The following SBK1 variants were observed in gnomAD, a reference collection of about 807,000 sequenced individuals.
SBK1 encodes the protein serine/threonine-protein kinase SBK1.
A neutral mutation model predicts 24.4 loss-of-function variants in SBK1; 11 were observed. That is an observed-to-expected ratio of 0.45 (90% CI 0.28 to 0.75). SBK1 has a LOEUF of 0.75. Among genes scored for constraint, SBK1 ranks in the 30% least tolerant of loss-of-function variants. The pLI, the probability that SBK1 is intolerant of heterozygous loss-of-function variation, is 0.12. For missense variants in SBK1, 467 were observed against 620.5 expected (o/e 0.75, Z 2.63); for synonymous variants, 308 against 284.4 (o/e 1.08, Z -0.83).
chr16:28,312,073 G>A (rs554329700), intron 1 of SBK1, among the ~76,000 whole-genome samples: 148 of 152,356 alleles, frequency 9.7e-4, no homozygotes, highest in Non-Finnish European at 1.7e-3. Flanking sequence ...CACGTGGACC[G>A]CCCACCTCAG....
Position 28,292,690 on chromosome 16 carries a change from G to T in SBK1, c.-618G>T, listed in dbSNP as rs1483223362. ...GACCGAGCCCCCCAGCGGCTGAGGG[G>T]CTTCCAGCGCCCGCCGGTGGCCGGG... On this transcript the variant is annotated 5_prime_UTR_variant, in exon 1 of 4. Coordinates refer to ENST00000341901, the MANE Select transcript of SBK1 (RefSeq NM_001024401.3). The T allele has an allele frequency of 2.0e-6, 2 of 984,454 alleles. No homozygotes were observed. The highest frequency in any genetic ancestry group is 6.2e-5 in the Admixed American group (1 of 16,250). 61.0% of individuals were successfully genotyped at this position (984,454 alleles called of 1,614,324 possible).
chr16:28,279,413 C>CAAAA (rs34582546), intron 1 of SBK1, among the ~76,000 whole-genome samples: 34 of 84,744 alleles, frequency 4.0e-4, no homozygotes, highest in African/African-American at 8.7e-4. Context: ...AAAACAAAAC[C>CAAAA]AAAAAAAAAA....
In SBK1 at chr16:28,275,751, C is replaced by T. The variant is rs2044491152; in HGVS notation, c.257+16249C>T. ...GAAAATTAGCCAACCATGGTGCATA[C>T]CTGTAGTAACAGCTACTCAGGAGGC... On this transcript the variant is annotated intron_variant, in intron 1 of 3. Coordinates refer to the SBK1 transcript ENST00000671413. 2.0e-5 allele frequency among the ~76,000 whole-genome samples: 3 copies of T among 152,048 alleles called. No individual in the cohort carries two copies. The South Asian group carries it at 6.2e-4, about 32-fold the overall frequency.
At chr16:28,267,517 G>A (rs2044436848) in intron 1 of SBK1, among the ~76,000 whole-genome samples, 1 of 152,216 alleles carries the variant, frequency 6.6e-6, no homozygotes. Context: ...CATGTTCATG[G>A]CTAATGGAGA....
Position 28,294,004 on chromosome 16 carries a change from G to A in SBK1, c.-8+704G>A, listed in dbSNP as rs551698354. Among the ~76,000 whole-genome samples the A allele has an allele frequency of 1.6e-4, 25 of 152,244 alleles. No homozygotes were observed. The Middle Eastern group carries it at 0.017, about 104-fold the overall frequency. On this transcript the variant is annotated intron_variant, in intron 1 of 3. Transcript: ENST00000341901. The stretch of plus-strand genomic sequence containing the variant: ...AGAAGCTATTTCAGGTCAGGGCACC[G>A]TTCTGTTCCCATTTGTCCCAGGGAC...
rs757915816 is a variant in SBK1 at position 28,320,220 on chromosome 16, C to T, written c.574C>T (p.Leu192=). ...CGACCGCGAGTGCCGCCGCGTAAAG[C>T]TGGCCGACTTCGGCATGACGCGCCG... ...LFDRECRRVK[L]ADFGMTRRVG... The change falls in exon 4 of 4, where the codon CTG becomes TTG. Residue 192 remains leucine (L), a synonymous_variant. Transcript: ENST00000341901. This position sits in a 1 kb window ranked among gnomAD's most constrained non-coding sequence, Gnocchi z 8.5. 4 of 1,594,440 alleles carry T rather than the reference C, an allele frequency of 2.5e-6. No homozygotes were observed. The African/African-American group carries it at 4.0e-5, about 16-fold the overall frequency.
At position 28,320,969 on chromosome 16, in the gene SBK1, A is replaced by T. The variant is rs1225102033; in HGVS notation, c.*48A>T. 2 of 1,339,650 alleles carry T rather than the reference A, an allele frequency of 1.5e-6. No homozygotes were observed. Among genetic ancestry groups the T allele is most frequent in the Non-Finnish European group, 1.9e-6 (2 of 1,049,126 alleles). 83.0% of individuals were successfully genotyped at this position (1,339,650 alleles called of 1,614,324 possible). On this transcript the variant is annotated 3_prime_UTR_variant, in exon 4 of 4. Transcript: ENST00000341901. The surrounding 1 kb of genome is among the most constrained non-coding windows in gnomAD (Gnocchi z 8.5). ...CCGGGAGCAGCCCGGGCCCGCCCCG[A>T]GCCGGTGCCCGGTGCGGCGGTAGGG...
intron 1 of SBK1, among the ~76,000 whole-genome samples, chr16:28,302,628 C>A (rs1596549592): frequency 6.6e-6 from 1 of 152,202 alleles, no homozygotes; most frequent in Non-Finnish European, 1.5e-5. Context: ...ACTGTCTGGT[C>A]TCTTGGTTCC....
intron 1 of SBK1, among the ~76,000 whole-genome samples, chr16:28,307,647 G>A (rs981257747): frequency 2.2e-4 from 33 of 151,426 alleles, no homozygotes; most frequent in African/African-American, 7.5e-4. Flanking sequence ...GGCTGAGGCA[G>A]GAGAATCGCT....
In SBK1 at chr16:28,319,149, C is replaced by T. The variant is rs1364674371; in HGVS notation, c.381C>T (p.Ala127=). The T allele has an allele frequency of 6.2e-7, 1 of 1,613,804 alleles. No individual in the cohort carries two copies. Among genetic ancestry groups the T allele is most frequent in the Non-Finnish European group, 8.5e-7 (1 of 1,179,966 alleles). Residue 127 remains alanine (A), a synonymous_variant, in exon 3 of 4, where the codon GCC becomes GCT. Transcript: ENST00000341901. This position sits in a 1 kb window ranked among gnomAD's most constrained non-coding sequence, Gnocchi z 4.0. ...VFETEDCYVF[A]QEYAPAGDLF... ...AGACAGAGGACTGCTACGTCTTTGCCCAGGAGTACGCACCTGCTGGGGACC... is the reference window on the plus strand; with the variant it reads ...AGACAGAGGACTGCTACGTCTTTGCTCAGGAGTACGCACCTGCTGGGGACC...
In SBK1 at chr16:28,301,351, C is replaced by T. The variant is rs540289796; in HGVS notation, c.-8+8051C>T. 2.6e-3 allele frequency among the ~76,000 whole-genome samples: 397 copies of T among 152,340 alleles called. 3 individuals are homozygous for T. The highest frequency in any genetic ancestry group is 3.4e-3 in the Non-Finnish European group (234 of 68,034). ...CTGGGCACCAGCTGCAGGAAGGCAG[C>T]GTCACAAGCTATTAATAGCCACCAA... On this transcript the variant is annotated intron_variant, in intron 1 of 3. Transcript: ENST00000341901.
chr16:28,262,120 G>A (rs2044401460), intron 1 of SBK1, among the ~76,000 whole-genome samples: 1 of 152,204 alleles, frequency 6.6e-6, no homozygotes, highest in Admixed American at 6.5e-5. Flanking sequence ...GCTGGGGAGG[G>A]TGGGACAGAA....
chr16:28,312,226 A>T (rs2141587535), intron 1 of SBK1, among the ~76,000 whole-genome samples: 1 of 152,328 alleles, frequency 6.6e-6, no homozygotes, highest in East Asian at 1.9e-4. Flanking sequence ...CACAGTCCAC[A>T]CAGAAAGGGC....
chr16:28,315,333 A>G (rs1371340789), intron 1 of SBK1, among the ~76,000 whole-genome samples: 1 of 152,210 alleles, frequency 6.6e-6, no homozygotes, highest in Non-Finnish European at 1.5e-5. Flanking sequence ...GAATCATCAC[A>G]CTGTACACTT....
At chr16:28,306,893 A>G (rs1427764098) in intron 1 of SBK1, among the ~76,000 whole-genome samples, 2 of 152,220 alleles carry the variant, frequency 1.3e-5, no homozygotes, top group Non-Finnish European at 2.9e-5. Context: ...GGCCTGTGCA[A>G]AGTATCATTA....
At chr16:28,300,972 G>A (rs924374039) in intron 1 of SBK1, among the ~76,000 whole-genome samples, 4 of 152,178 alleles carry the variant, frequency 2.6e-5, no homozygotes, top group Admixed American at 1.3e-4. Flanking sequence ...AGGAGGTGAA[G>A]GATGCAGCTG....
chr16:28,260,617 C>T (rs1206250503), intron 1 of SBK1, among the ~76,000 whole-genome samples: 2 of 152,180 alleles, frequency 1.3e-5, no homozygotes, highest in Non-Finnish European at 2.9e-5. Flanking sequence ...GTTCCCGCTC[C>T]GTGGGCCTCT....
intron 1 of SBK1, among the ~76,000 whole-genome samples, chr16:28,264,167 G>A (rs994721436): frequency 9.9e-5 from 15 of 152,256 alleles, no homozygotes; most frequent in Non-Finnish European, 1.8e-4. Context: ...AAACATTGGA[G>A]ACAAATCCAC....
At chr16:28,261,428 T>TACAC (rs35296302) in intron 1 of SBK1, among the ~76,000 whole-genome samples, 7,506 of 124,468 alleles carry the variant, frequency 0.06, 269 homozygotes, top group Admixed American at 0.1. Context: ...GACTCCCGTC[T>TACAC]ACACACACAC....
Sources: allele counts gnomAD v4.1 joint callset (sites outside exome capture counted in the v4.1 genomes callset), GRCh38; gene constraint gnomAD v4.1.1; non-coding constraint Gnocchi (gnomAD v3.1); transcripts MANE v1.5; gene names NCBI Gene and HGNC (gene_info 2026-07-23, HGNC 2026-07-21).